MEI4: variants seen among roughly 807,000 people sequenced by gnomAD.
MEI4 encodes the protein meiosis-specific protein MEI4.
Under a neutral mutation model 31.4 loss-of-function variants are expected in MEI4, and 27 were observed. The observed-to-expected ratio is 0.86, with a 90% CI of 0.63 to 1.19. MEI4 has a LOEUF of 1.19. Among genes scored for constraint, MEI4 ranks in the 50% most tolerant of loss-of-function variants. MEI4 has a pLI of 0.00. For synonymous variants in MEI4, 122 were observed against 145.4 expected (o/e 0.84, Z 1.16); for missense variants, 329 against 398.9 (o/e 0.82, Z 1.49).
At chr6:77,855,615 A>G (rs929960652) in intron 4 of MEI4, among the ~76,000 whole-genome samples, 1 of 152,212 alleles carries the variant, frequency 6.6e-6, no homozygotes, top group Non-Finnish European at 1.5e-5. Context: ...CTACTATTGA[A>G]AAGGTGATTC....
chr6:77,658,149 T>C (rs1313873459), intron 1 of MEI4, among the ~76,000 whole-genome samples: 1 of 152,158 alleles, frequency 6.6e-6, no homozygotes, highest in Non-Finnish European at 1.5e-5. Flanking sequence ...TTATCGTTAG[T>C]TCTTATAGGT....
At chr6:77,872,028 T>C (rs1291410106) in intron 4 of MEI4, among the ~76,000 whole-genome samples, 1 of 152,220 alleles carries the variant, frequency 6.6e-6, no homozygotes, top group East Asian at 1.9e-4. Context: ...ACTCCAAGTT[T>C]GCTTGGATCA....
rs1279864017 is a variant in MEI4 at position 77,746,636 on chromosome 6, GGCGTGTGTGT to G, written c.233-14492_233-14483del. On this transcript the variant is annotated intron_variant, in intron 2 of 4. Coordinates refer to ENST00000684080, the MANE Select transcript of MEI4 (RefSeq NM_001322247.2). ...CTTAAGTCAGTTTCTTAAAATATAT[GGCGTGTGTGT>G]GTGTGTGTGTGTGTGTGTGTGTGTG... is the stretch of plus-strand genomic sequence containing the variant. Among the ~76,000 whole-genome samples, 504 of 115,140 alleles carry G rather than the reference GGCGTGTGTGT, an allele frequency of 4.4e-3. 2 individuals are homozygous for G. Among genetic ancestry groups the G allele is most frequent in the African/African-American group, 0.017 (452 of 26,818 alleles). 75.5% of individuals were successfully genotyped at this position (115,140 alleles called of 152,430 possible).
At chr6:77,890,977 TTC>T (rs1771752065) in intron 4 of MEI4, among the ~76,000 whole-genome samples, 1 of 152,212 alleles carries the variant, frequency 6.6e-6, no homozygotes, top group African/African-American at 2.4e-5. Flanking sequence ...TCAATTAAAC[TTC>T]TTTCCTTTAA....
intron 4 of MEI4, among the ~76,000 whole-genome samples, chr6:77,856,694 G>A (rs544656928): frequency 1.3e-5 from 2 of 152,258 alleles, no homozygotes; most frequent in Admixed American, 1.3e-4. Context: ...TCCAGACCCA[G>A]CTCATCACTC....
chr6:77,889,281 C>T (rs1277963990), intron 4 of MEI4, among the ~76,000 whole-genome samples: 1 of 152,124 alleles, frequency 6.6e-6, no homozygotes, highest in African/African-American at 2.4e-5. Context: ...TTCCTAGAGA[C>T]TTGTTGAGTG....
At chr6:77,844,822 C>G (rs1337301426) in intron 4 of MEI4, among the ~76,000 whole-genome samples, 1 of 152,030 alleles carries the variant, frequency 6.6e-6, no homozygotes, top group Non-Finnish European at 1.5e-5. Flanking sequence ...CTTCACATCC[C>G]TCTCCTCCCA....
At chr6:77,743,724 G>C (rs563740880) in intron 2 of MEI4, among the ~76,000 whole-genome samples, 1 of 152,320 alleles carries the variant, frequency 6.6e-6, no homozygotes, top group East Asian at 1.9e-4. Context: ...CCCCCCAGTA[G>C]GGGCAGACTG....
chr6:77,791,848 C>T (rs149709810), intron 3 of MEI4, among the ~76,000 whole-genome samples: 1 of 151,984 alleles, frequency 6.6e-6, no homozygotes, highest in African/African-American at 2.4e-5. Flanking sequence ...TGTAGTATAA[C>T]CATTTTTACA....
intron 4 of MEI4, among the ~76,000 whole-genome samples, chr6:77,865,477 AG>A (rs1770999851): frequency 6.6e-6 from 1 of 152,332 alleles, no homozygotes; most frequent in Admixed American, 6.5e-5. Flanking sequence ...TAGAAAATCT[AG>A]AAGAAATGGA....
intron 2 of MEI4, among the ~76,000 whole-genome samples, chr6:77,693,099 G>A (rs1351669440): frequency 2.0e-5 from 3 of 151,912 alleles, no homozygotes; most frequent in Non-Finnish European, 2.9e-5. Flanking sequence ...TTAGTTTTGG[G>A]AATTATCATG....
intron 4 of MEI4, among the ~76,000 whole-genome samples, chr6:77,866,852 G>A (rs7746935): frequency 0.83 from 125,748 of 152,226 alleles, 52,460 homozygotes; most frequent in East Asian, 0.95. Flanking sequence ...CCAAAACAGC[G>A]TGGTGCTGGT....
At chr6:77,701,519 A>G (rs1766221350) in intron 2 of MEI4, among the ~76,000 whole-genome samples, 1 of 152,140 alleles carries the variant, frequency 6.6e-6, no homozygotes, top group African/African-American at 2.4e-5. Flanking sequence ...AGTGTCAGGT[A>G]TGTGCCTTTT....
intron 3 of MEI4, among the ~76,000 whole-genome samples, chr6:77,765,507 C>A (rs1241725199): frequency 6.6e-6 from 1 of 151,320 alleles, no homozygotes; most frequent in East Asian, 1.9e-4. Flanking sequence ...TGTTGGTGTG[C>A]TGCACCCATT....
At chr6:77,737,100 G>T (rs572733938) in intron 2 of MEI4, among the ~76,000 whole-genome samples, 4 of 152,306 alleles carry the variant, frequency 2.6e-5, no homozygotes, top group South Asian at 2.1e-4. Flanking sequence ...AAAACATGCT[G>T]CATTCTGTAG....
chr6:77,839,243 G>T (rs1188935521), intron 4 of MEI4, among the ~76,000 whole-genome samples: 1 of 152,080 alleles, frequency 6.6e-6, no homozygotes, highest in Non-Finnish European at 1.5e-5. Flanking sequence ...TAATGGTTAT[G>T]TAACTATGTA....
intron 2 of MEI4, among the ~76,000 whole-genome samples, chr6:77,744,547 A>T (rs2127674352): frequency 6.6e-6 from 1 of 152,330 alleles, no homozygotes; most frequent in South Asian, 2.1e-4. Flanking sequence ...AACACTTTTC[A>T]GGATATTATC....
chr6:77,824,067 A>G (rs1329310067), intron 3 of MEI4, among the ~76,000 whole-genome samples: 1 of 152,182 alleles, frequency 6.6e-6, no homozygotes, highest in East Asian at 1.9e-4. Context: ...ACATTTGGGT[A>G]TGCAATGGGT....
intron 2 of MEI4, among the ~76,000 whole-genome samples, chr6:77,735,532 C>A (rs957691924): frequency 6.6e-6 from 1 of 151,988 alleles, no homozygotes; most frequent in African/African-American, 2.4e-5. Context: ...GTTATACATT[C>A]TTCTAAATTT....
Sources: allele counts gnomAD v4.1 joint callset (sites outside exome capture counted in the v4.1 genomes callset), GRCh38; gene constraint gnomAD v4.1.1; transcripts MANE v1.5; gene names NCBI Gene and HGNC (gene_info 2026-07-23, HGNC 2026-07-21).